Variants in B3GAT2 observed in about 807,000 individuals in gnomAD.
B3GAT2 encodes the protein beta-1,3-glucuronyltransferase 2, also known as galactosylgalactosylxylosylprotein 3-beta-glucuronosyltransferase 2.
Under a neutral mutation model 27.8 loss-of-function variants are expected in B3GAT2, and 26 were observed. That is an observed-to-expected ratio of 0.93 (90% CI 0.68 to 1.30). B3GAT2 has a LOEUF of 1.30. B3GAT2 is among the 50% of genes most tolerant of loss of function. The pLI is 0.00. For missense variants in B3GAT2, 458 were observed against 459.0 expected, an observed-to-expected ratio of 1.00 and a Z score of 0.02; for synonymous variants, 218 against 195.1, an observed-to-expected ratio of 1.12 and a Z score of -0.98.
chr6:70,858,301 T>C lies in B3GAT2; in HGVS notation c.*3362A>G. Reference sequence around the variant, plus strand: ...ATTTTCTAAATCTTTTTTTTTTTTTTTTTTTTTTTTTTTTAAGTCTAGTGA... The same window carrying C: ...ATTTTCTAAATCTTTTTTTTTTTTTCTTTTTTTTTTTTTTAAGTCTAGTGA... On this transcript the variant is annotated 3_prime_UTR_variant, in exon 4 of 4. Coordinates refer to ENST00000230053, the MANE Select transcript of B3GAT2 (RefSeq NM_080742.3). The C allele has an allele frequency of 7.6e-7, 1 of 1,323,734 alleles. No homozygotes were observed. Among genetic ancestry groups the C allele is most frequent in the African/African-American group, 1.5e-5 (1 of 65,350 alleles). The allele number at this position is 1,323,734 out of a possible 1,614,324, so 82.0% of individuals were successfully genotyped here.
intron 2 of B3GAT2, among the ~76,000 whole-genome samples, chr6:70,877,494 G>T (rs953311944): frequency 3.3e-5 from 5 of 152,110 alleles, no homozygotes; most frequent in African/African-American, 1.2e-4. Context: ...TAAGTACCTA[G>T]AGTAACCTGT....
At chr6:70,867,197 A>T (rs1322576883) in intron 2 of B3GAT2, among the ~76,000 whole-genome samples, 1 of 152,066 alleles carries the variant, frequency 6.6e-6, no homozygotes, top group Non-Finnish European at 1.5e-5. Flanking sequence ...AGTTTTTAGA[A>T]AACATTAAGC....
intron 1 of B3GAT2, among the ~76,000 whole-genome samples, chr6:70,910,402 CTTATAAG>C (rs1362863118): frequency 6.6e-6 from 1 of 152,164 alleles, no homozygotes; most frequent in African/African-American, 2.4e-5. Flanking sequence ...TTAGCTTCCA[CTTATAAG>C]TTAGAACATG....
At chr6:70,924,075 C>T (rs1772914389) in intron 1 of B3GAT2, among the ~76,000 whole-genome samples, 1 of 152,106 alleles carries the variant, frequency 6.6e-6, no homozygotes, top group Admixed American at 6.6e-5. Context: ...GTCCTGACAT[C>T]ACCACTATAC....
chr6:70,930,578 C>T (rs138430804), intron 1 of B3GAT2, among the ~76,000 whole-genome samples: 4,153 of 152,166 alleles, frequency 0.027, 119 homozygotes, highest in Admixed American at 0.087. Flanking sequence ...AACAGACACA[C>T]GAAAAAATGC....
chr6:70,888,024 G>A (rs1285375829), intron 2 of B3GAT2, among the ~76,000 whole-genome samples: 2 of 152,196 alleles, frequency 1.3e-5, no homozygotes, highest in Admixed American at 6.5e-5. Context: ...ATGAGCAAGG[G>A]ACTGCCAAGA....
chr6:70,863,966 A>C (rs1771808387), intron 2 of B3GAT2, among the ~76,000 whole-genome samples: 1 of 152,102 alleles, frequency 6.6e-6, no homozygotes, highest in African/African-American at 2.4e-5. Context: ...AGAGGTTCAA[A>C]TTGATAACGT....
At chr6:70,887,061 T>C (rs192477845) in intron 2 of B3GAT2, among the ~76,000 whole-genome samples, 3 of 152,296 alleles carry the variant, frequency 2.0e-5, no homozygotes, top group Admixed American at 1.3e-4. Flanking sequence ...ATAGTTCTCA[T>C]AGAAAACATT....
chr6:70,905,833 T>C (rs1302425705), intron 1 of B3GAT2, among the ~76,000 whole-genome samples: 1 of 152,114 alleles, frequency 6.6e-6, no homozygotes, highest in African/African-American at 2.4e-5. Context: ...CTTGAAAGCA[T>C]AATAATACTT....
chr6:70,866,264 A>C (rs2150021859), intron 2 of B3GAT2, among the ~76,000 whole-genome samples: 1 of 152,322 alleles, frequency 6.6e-6, no homozygotes, highest in Non-Finnish European at 1.5e-5. Context: ...TGTAAGGTCA[A>C]ATTGATTAGC....
intron 1 of B3GAT2, among the ~76,000 whole-genome samples, chr6:70,914,144 A>T (rs964194688): frequency 6.6e-6 from 1 of 151,802 alleles, no homozygotes; most frequent in Admixed American, 6.6e-5. Flanking sequence ...TTCTTTTTTT[A>T]AATTATACTT....
chr6:70,863,976 T>C (rs982995629), intron 2 of B3GAT2, among the ~76,000 whole-genome samples: 5 of 151,868 alleles, frequency 3.3e-5, no homozygotes, highest in Admixed American at 3.3e-4. Flanking sequence ...ATTGATAACG[T>C]AGTGTCCTTT....
intron 2 of B3GAT2, among the ~76,000 whole-genome samples, chr6:70,888,451 C>A (rs892582116): frequency 6.6e-6 from 1 of 152,086 alleles, no homozygotes; most frequent in Non-Finnish European, 1.5e-5. Context: ...TAAGTGTCTG[C>A]TGATTTAGAG....
chr6:70,872,780 CTTCT>C (rs1345814575), intron 2 of B3GAT2, among the ~76,000 whole-genome samples: 2 of 151,730 alleles, frequency 1.3e-5, no homozygotes, highest in African/African-American at 4.8e-5. Flanking sequence ...CTATTACTGC[CTTCT>C]TTATTATTAA....
At chr6:70,869,850 C>G (rs1771905756) in intron 2 of B3GAT2, among the ~76,000 whole-genome samples, 1 of 152,146 alleles carries the variant, frequency 6.6e-6, no homozygotes, top group African/African-American at 2.4e-5. Flanking sequence ...GATACCATCT[C>G]ACACCAGTTA....
chr6:70,857,794 G>A lies in B3GAT2; in HGVS notation c.*3869C>T. ...AGGTGTGGGTTGGTCTGAGTAGTAG[G>A]AGCAGCCAAACTGGAATTAAAATGT... On this transcript the variant is annotated 3_prime_UTR_variant, in exon 4 of 4. Coordinates refer to ENST00000230053, the MANE Select transcript of B3GAT2 (RefSeq NM_080742.3). 2 of 1,002,942 alleles carry A rather than the reference G, an allele frequency of 2.0e-6. No homozygotes were observed. Among genetic ancestry groups the A allele is most frequent in the Non-Finnish European group, 2.9e-6 (2 of 690,862 alleles). The allele number at this position is 1,002,942 out of a possible 1,614,324, so 62.1% of individuals were successfully genotyped here. A position where few individuals can be genotyped will look rare whatever the true frequency, so the allele number is the denominator to read the frequency against.
chr6:70,924,859 T>C lies in B3GAT2; in HGVS notation c.592-30587A>G, dbSNP rs187707389. ...GAGGAGCCTCAATTCTACTAAGACA[T>C]AGATGTGAACAATTACCAGTCATTA... On this transcript the variant is annotated intron_variant, in intron 1 of 3. Transcript: ENST00000230053. Among the ~76,000 whole-genome samples, 344 of 152,308 alleles carry C rather than the reference T, an allele frequency of 2.3e-3. 1 individual carries two copies. The highest frequency in any genetic ancestry group is 3.0e-3 in the Non-Finnish European group (203 of 68,014).
chr6:70,857,038 A>G lies in B3GAT2; in HGVS notation c.*4625T>C. The G allele has an allele frequency of 6.3e-7, 1 of 1,593,078 alleles. No individual in the cohort carries two copies. The highest frequency in any genetic ancestry group is 8.6e-7 in the Non-Finnish European group (1 of 1,169,458). ...AACAGCAAAGTACTCCTGGTAATGA[A>G]TTTTGATATCTGCTTTCAGTGACAT... On this transcript the variant is annotated 3_prime_UTR_variant, in exon 4 of 4. Transcript: ENST00000230053.
chr6:70,951,862 T>C (rs976754061), intron 1 of B3GAT2, among the ~76,000 whole-genome samples: 1 of 152,102 alleles, frequency 6.6e-6, no homozygotes, highest in African/African-American at 2.4e-5. Flanking sequence ...TCAGGTAAAA[T>C]GGTCTTTTAA....
Sources: gnomAD v4.1 joint callset for allele counts (sites outside exome capture counted in the v4.1 genomes callset) on GRCh38, gnomAD v4.1.1 for gene constraint, MANE v1.5 for transcripts, NCBI Gene and HGNC (gene_info 2026-07-23, HGNC 2026-07-21) for gene names.